The following SLAMF7 variants were observed in gnomAD, a reference collection of about 807,000 sequenced individuals.
The protein encoded by SLAMF7 is 19A24 protein.
In SLAMF7, 26 loss-of-function variants were observed where a neutral mutation model predicts 34.1. That is an observed-to-expected ratio of 0.76 (90% CI 0.56 to 1.06). SLAMF7 has a LOEUF of 1.06. Ranked by LOEUF, SLAMF7 falls within the 50% of genes least tolerant of loss-of-function variation. The probability of loss-of-function intolerance (pLI) is 0.00; values close to 1 mark genes in which losing one functional copy is unlikely to be tolerated. For synonymous variants in SLAMF7, 171 were observed against 156.4 expected (o/e 1.09, Z -0.70); for missense variants, 399 against 402.5 (o/e 0.99, Z 0.07).
chr1:160,740,825 TTACAG>T (rs1156957802), intron 1 of SLAMF7, among the ~76,000 whole-genome samples: 1 of 152,220 alleles, frequency 6.6e-6, no homozygotes, highest in Admixed American at 6.5e-5. Context: ...TATCCCTGTT[TTACAG>T]TTGAGGAAAC....
intron 1 of SLAMF7, among the ~76,000 whole-genome samples, chr1:160,745,565 G>C (rs1172305677): frequency 4.6e-5 from 7 of 152,026 alleles, no homozygotes; most frequent in Non-Finnish European, 8.8e-5. Flanking sequence ...ATGAAGTCAG[G>C]AGTTAGCAAA....
rs772920991 is a variant in SLAMF7, at chr1:160,753,177, G to C, written c.1008G>C (p.Ter336TyrextTer27). 1.9e-6 allele frequency: 3 copies of C among 1,611,066 alleles called. No homozygotes were observed. Among genetic ancestry groups the C allele is most frequent in the Non-Finnish European group, 2.5e-6 (3 of 1,178,934 alleles). Reference protein sequence around the residue: ...PRLFAYENVI* With the variant: ...PRLFAYENVIY ...TATTTGCCTATGAGAATGTTATCTA[G>C]ACAGCAGTGCACTCCCCTAAGTCTC... The change falls in exon 7 of 7, where the codon TAG (stop) becomes TAC (tyrosine). Residue 336 changes from the stop codon to tyrosine (Y), a stop_lost. Coordinates refer to ENST00000368043, the MANE Select transcript of SLAMF7 (RefSeq NM_021181.5).
chr1:160,743,985 A>T (rs1455176509), intron 1 of SLAMF7, among the ~76,000 whole-genome samples: 2 of 152,182 alleles, frequency 1.3e-5, no homozygotes, highest in African/African-American at 4.8e-5. Context: ...CACCAATTCC[A>T]GCATCTTCCC....
At chr1:160,751,082 G>T (rs753392846) in intron 4 of SLAMF7, 2 of 436,722 alleles carry the variant, frequency 4.6e-6, no homozygotes, top group Non-Finnish European at 8.4e-6. Context: ...CTCTGAAAGT[G>T]TCTTTGACTT....
Position 160,753,808 on chromosome 1 carries a change from C to G in SLAMF7, c.*631C>G, listed in dbSNP as rs1183573222. On this transcript the variant is annotated 3_prime_UTR_variant, in exon 7 of 7. Coordinates refer to ENST00000368043, the MANE Select transcript of SLAMF7 (RefSeq NM_021181.5). ...TTGTAGCAGGCCTGACCACAGATTC[C>G]CAGAGGGCCAGGTGTGGATCCACAG... 1 of 152,542 alleles carries G rather than the reference C, an allele frequency of 6.6e-6. No homozygotes were observed. The highest frequency in any genetic ancestry group is 1.5e-5 in the Non-Finnish European group (1 of 68,258). The allele number at this position is 152,542 out of a possible 1,614,324, so 9.4% of individuals were successfully genotyped here. A position where few individuals can be genotyped will look rare whatever the true frequency, so the allele number is the denominator to read the frequency against.
intron 1 of SLAMF7, among the ~76,000 whole-genome samples, chr1:160,745,511 C>T (rs1158062058): frequency 6.6e-6 from 1 of 152,174 alleles, no homozygotes; most frequent in African/African-American, 2.4e-5. Flanking sequence ...AGTTACTTAG[C>T]TGTTGTTATT....
intron 1 of SLAMF7, among the ~76,000 whole-genome samples, chr1:160,742,747 T>G (rs1663844209): frequency 6.6e-6 from 1 of 152,184 alleles, no homozygotes; most frequent in Non-Finnish European, 1.5e-5. Context: ...TAACTCCTCT[T>G]CCCTCTTCCA....
intron 1 of SLAMF7, among the ~76,000 whole-genome samples, chr1:160,744,192 AC>A (rs1257279603): frequency 3.3e-5 from 5 of 152,244 alleles, no homozygotes; most frequent in African/African-American, 1.2e-4. Flanking sequence ...ATAGGGTCAC[AC>A]ACTGCAGGTG....
chr1:160,753,317 T>C lies in SLAMF7; in HGVS notation c.*140T>C. On this transcript the variant is annotated 3_prime_UTR_variant, in exon 7 of 7. Transcript: ENST00000368043. ...GTTGACTTTTTTCCAGGATAAATTA[T>C]CTCTGATGCTTCTTTAGATTTAAGA... 1 of 683,962 alleles carries C rather than the reference T, an allele frequency of 1.5e-6. No homozygotes were observed. Among genetic ancestry groups the C allele is most frequent in the Non-Finnish European group, 2.5e-6 (1 of 404,476 alleles). The allele number at this position is 683,962 out of a possible 1,614,324, so 42.4% of individuals were successfully genotyped here.
chr1:160,739,204 A>G (rs1295637775), upstream of SLAMF7: 36 of 1,040,982 alleles, frequency 3.5e-5, no homozygotes, highest in Non-Finnish European at 5.3e-5. Flanking sequence ...CTGCGGCGTG[A>G]CCCCTCCTGC....
rs1440777816 is a variant in SLAMF7, at chr1:160,751,358, G to C, written c.783G>C (p.Glu261Asp). ...ACTTGCTTTTAGAGTACATTGAAGA[G>C]AAGAAGAGAGTGGACATTTGTCGGG... Reference protein sequence around the residue: ...KRERQEEYIEEKKRVDICRET... With the variant: ...KRERQEEYIEDKKRVDICRET... Residue 261 changes from glutamate to aspartate, a missense_variant, in exon 5 of 7, where the codon GAG becomes GAC. Glu to Asp is a conservative substitution (Grantham distance 45). Coordinates refer to ENST00000368043, the MANE Select transcript of SLAMF7 (RefSeq NM_021181.5). The C allele has an allele frequency of 6.2e-7, 1 of 1,613,572 alleles. No individual in the cohort carries two copies. Among genetic ancestry groups the C allele is most frequent in the East Asian group, 2.2e-5 (1 of 44,890 alleles).
chr1:160,750,357 C>A lies in SLAMF7; in HGVS notation c.703C>A (p.Pro235Thr). The A allele has an allele frequency of 2.5e-6, 4 of 1,614,092 alleles. No individual in the cohort carries two copies. The highest frequency in any genetic ancestry group is 3.4e-6 in the Non-Finnish European group (4 of 1,179,940). Reference sequence around the variant, plus strand: ...GGTCCTCCTGTGTCTCCTGTTGGTGCCCCTCCTGCTCAGTCTCTTTGTACT... The same window carrying A: ...GGTCCTCCTGTGTCTCCTGTTGGTGACCCTCCTGCTCAGTCTCTTTGTACT... ...SMVLLCLLLV[P>T]LLLSLFVLGL... The change falls in exon 4 of 7, where the codon CCC becomes ACC. Residue 235 changes from proline to threonine, a missense_variant. By Grantham distance (38) the Pro-to-Thr change is conservative (BLOSUM62 -1). Coordinates refer to ENST00000368043, the MANE Select transcript of SLAMF7 (RefSeq NM_021181.5).
At chr1:160,741,023 G>C (rs1228768452) in intron 1 of SLAMF7, among the ~76,000 whole-genome samples, 1 of 152,180 alleles carries the variant, frequency 6.6e-6, no homozygotes, top group African/African-American at 2.4e-5. Flanking sequence ...TCTTCCTCAG[G>C]GAGTACCAGT....
chr1:160,753,252 T>G lies in SLAMF7; in HGVS notation c.*75T>G, dbSNP rs1334029645. ...GCCCAAAGAAAACAATCAGAAGAAT[T>G]CACTGATTTGACTAGAAACATCAAG... is the stretch of plus-strand genomic sequence containing the variant. On this transcript the variant is annotated 3_prime_UTR_variant, in exon 7 of 7. Coordinates refer to ENST00000368043, the MANE Select transcript of SLAMF7 (RefSeq NM_021181.5). The G allele has an allele frequency of 1.6e-6, 2 of 1,279,674 alleles. No homozygotes were observed. The highest frequency in any genetic ancestry group is 2.9e-5 in the African/African-American group (2 of 67,866). 79.3% of individuals were successfully genotyped at this position (1,279,674 alleles called of 1,614,324 possible).
At chr1:160,747,592 A>G (rs914943648) in intron 1 of SLAMF7, among the ~76,000 whole-genome samples, 7 of 152,158 alleles carry the variant, frequency 4.6e-5, no homozygotes, top group African/African-American at 1.7e-4. Context: ...AAGAAAGACA[A>G]TCACTCTGAG....
intron 1 of SLAMF7, among the ~76,000 whole-genome samples, chr1:160,741,419 G>A (rs774037724): frequency 5.3e-5 from 8 of 152,138 alleles, no homozygotes; most frequent in Non-Finnish European, 1.2e-4. Context: ...TGGGAAAGGT[G>A]TGTGGTGAAG....
Position 160,750,315 on chromosome 1 carries a change from G to T in SLAMF7, c.661G>T (p.Asp221Tyr), listed in dbSNP as rs367803209. The T allele has an allele frequency of 1.9e-6, 3 of 1,614,002 alleles. No homozygotes were observed. Among genetic ancestry groups the T allele is most frequent in the South Asian group, 2.2e-5 (2 of 91,060 alleles). ...CCCATTCTCTGAAGGTGCTGCTGAT[G>T]ACCCAGATTCCTCCATGGTCCTCCT... ...ARKLCEGAADDPDSSMVLLCL... is the reference protein window; with the variant it reads ...ARKLCEGAADYPDSSMVLLCL... The change falls in exon 4 of 7, where the codon GAC becomes TAC. Residue 221 changes from aspartate to tyrosine, a missense_variant. Asp to Tyr is a radical substitution (Grantham distance 160, BLOSUM62 -3). Coordinates refer to ENST00000368043, the MANE Select transcript of SLAMF7 (RefSeq NM_021181.5).
intron 1 of SLAMF7, among the ~76,000 whole-genome samples, chr1:160,743,252 A>G (rs1663880107): frequency 6.6e-6 from 1 of 152,236 alleles, no homozygotes; most frequent in Non-Finnish European, 1.5e-5. Context: ...AGGCTTCCTC[A>G]GGGAAGAGCT....
chr1:160,751,862 C>CTCTATA (rs1664646652), intron 5 of SLAMF7: 6 of 41,930 alleles, frequency 1.4e-4, no homozygotes, highest in Admixed American at 3.1e-4. Flanking sequence ...CTCTCTCTCT[C>CTCTATA]TATATATATA....
Sources: allele counts gnomAD v4.1 joint callset (sites outside exome capture counted in the v4.1 genomes callset), GRCh38; gene constraint gnomAD v4.1.1; transcripts MANE v1.5; gene names NCBI Gene and HGNC (gene_info 2026-07-23, HGNC 2026-07-21).